Variants in PLEKHG5 observed in about 807,000 individuals in gnomAD.
PLEKHG5 encodes the protein pleckstrin homology and RhoGEF domain containing G5, also known as pleckstrin homology domain-containing family G member 5.
In PLEKHG5, 52 loss-of-function variants were observed where a neutral mutation model predicts 103.8. That is an observed-to-expected ratio of 0.50 (90% CI 0.40 to 0.63). The LOEUF (loss-of-function observed/expected upper bound fraction) is 0.63. PLEKHG5 is among the 30% of genes least tolerant of loss of function. PLEKHG5 has a pLI of 0.00. For synonymous variants in PLEKHG5, 592 were observed against 575.5 expected (o/e 1.03, Z -0.41); for missense variants, 1,205 against 1,347.6 (o/e 0.89, Z 1.66).
intron 5 of PLEKHG5, 72 bp from the exon 6 acceptor site, chr1:6,474,659 C>G (rs892181887): frequency 1.4e-6 from 2 of 1,420,228 alleles, no homozygotes; most frequent in Admixed American, 2.0e-5. Flanking sequence ...CCCGCCCCCA[C>G]GAGCCCCCGC....
chr1:6,509,904 C>T (rs763819849), intron 1 of PLEKHG5, among the ~76,000 whole-genome samples: 14 of 152,186 alleles, frequency 9.2e-5, no homozygotes, highest in Non-Finnish European at 1.6e-4. Context: ...TGGGGAGTCC[C>T]TGTACCCAAC....
intron 1 of PLEKHG5, among the ~76,000 whole-genome samples, chr1:6,513,519 G>A (rs757012777): frequency 1.3e-5 from 2 of 152,216 alleles, no homozygotes; most frequent in Non-Finnish European, 2.9e-5. Flanking sequence ...CTGTTCCTCG[G>A]GGCTGTCTGC....
chr1:6,496,934 G>A (rs1194944709), upstream of PLEKHG5: 5 of 1,497,698 alleles, frequency 3.3e-6, no homozygotes, highest in South Asian at 6.3e-5. Flanking sequence ...GGGGCTCCAA[G>A]ATCCCAGATC....
intron 1 of PLEKHG5, among the ~76,000 whole-genome samples, chr1:6,512,861 T>C (rs1638514639): frequency 6.6e-6 from 1 of 152,094 alleles, no homozygotes; most frequent in African/African-American, 2.4e-5. Context: ...TCCTCATTTA[T>C]ACAGCGTAGG....
chr1:6,515,241 G>A (rs1305172452), intron 1 of PLEKHG5, among the ~76,000 whole-genome samples: 1 of 151,396 alleles, frequency 6.6e-6, no homozygotes, highest in Non-Finnish European at 1.5e-5. Flanking sequence ...AAAAAAGCTG[G>A]ATGAGGCCGG....
At chr1:6,474,403 A>G in intron 6 of PLEKHG5, 48 bp downstream of exon 6, 1 of 1,609,202 alleles carries the variant, frequency 6.2e-7, no homozygotes, top group East Asian at 2.2e-5. Context: ...CATCTCCAGG[A>G]GGCTCCGCCA....
At chr1:6,492,159 T>C (rs1267051980), upstream of PLEKHG5, among the ~76,000 whole-genome samples, 1 of 152,176 alleles carries the variant, frequency 6.6e-6, no homozygotes, top group Non-Finnish European at 1.5e-5. Context: ...AGATGAGGTT[T>C]CTGTGCCAGG....
At chr1:6,481,931 T>C (rs1161767134) in intron 1 of PLEKHG5, among the ~76,000 whole-genome samples, 10 of 151,924 alleles carry the variant, frequency 6.6e-5, no homozygotes, top group Non-Finnish European at 1.5e-4. Context: ...ACTTTTTTTT[T>C]TTTTAGGGTT....
intron 1 of PLEKHG5, among the ~76,000 whole-genome samples, chr1:6,517,890 A>C (rs1444872234): frequency 2.0e-5 from 3 of 152,188 alleles, no homozygotes; most frequent in Admixed American, 2.0e-4. Flanking sequence ...CATGAACGCT[A>C]TTCCTGACCC....
rs1638302701 is a variant in PLEKHG5 at position 6,505,874 on chromosome 1, G to A, written c.-164-9305C>T. Among the ~76,000 whole-genome samples the A allele has an allele frequency of 6.6e-6, 1 of 152,186 alleles. No individual in the cohort carries two copies. Among genetic ancestry groups the A allele is most frequent in the Non-Finnish European group, 1.5e-5 (1 of 68,040 alleles). On this transcript the variant is annotated intron_variant, in intron 1 of 21. Transcript: ENST00000377740. The surrounding 1 kb of genome is among the most constrained non-coding windows in gnomAD (Gnocchi z 4.2). ...TTTCCGGGTCCTCTCCTGCACCAGC[G>A]GCAGCTCTCAGGAGTGGCTCTGGCC...
In PLEKHG5 at chr1:6,505,419, G is replaced by A. The variant is rs1638284836; in HGVS notation, c.-164-8850C>T. Among the ~76,000 whole-genome samples, 1 of 152,028 alleles carries A rather than the reference G, an allele frequency of 6.6e-6. No individual in the cohort carries two copies. The highest frequency in any genetic ancestry group is 3.2e-3 in the Middle Eastern group (1 of 316). On this transcript the variant is annotated intron_variant, in intron 1 of 21. Coordinates refer to the PLEKHG5 transcript ENST00000377740. This position sits in a 1 kb window ranked among gnomAD's most constrained non-coding sequence, Gnocchi z 4.2. ...CTCCCTGTGTGTCATCCCCATTAGTGCTCTCAGCCTCCCAGTGACCCCCAA... is the reference window on the plus strand; with the variant it reads ...CTCCCTGTGTGTCATCCCCATTAGTACTCTCAGCCTCCCAGTGACCCCCAA...
Position 6,468,571 on chromosome 1 carries a change from G to A in PLEKHG5, c.2265C>T (p.Ser755=). Residue 755 remains serine (S), a synonymous_variant, in exon 20 of 21, where the codon TCC becomes TCT. Transcript: ENST00000377728. ...CCACAACCATGGCCAGGGTCTCCGT[G>A]GAGCCATCTGAGGCACTGTGGGGCC... ...PDSQHCASDG[S]TETLAMVVVE... 6.2e-7 allele frequency: 1 copy of A among 1,612,996 alleles called. No individual in the cohort carries two copies. The highest frequency in any genetic ancestry group is 1.1e-5 in the South Asian group (1 of 91,086).
chr1:6,508,925 TAC>T (rs2148635677), intron 1 of PLEKHG5, among the ~76,000 whole-genome samples: 1 of 152,284 alleles, frequency 6.6e-6, no homozygotes, highest in African/African-American at 2.4e-5. Context: ...CCCAGAGCGG[TAC>T]ACACACTGCT....
chr1:6,484,159 C>T (rs956748857), intron 1 of PLEKHG5, among the ~76,000 whole-genome samples: 2 of 152,232 alleles, frequency 1.3e-5, no homozygotes, highest in Non-Finnish European at 2.9e-5. Context: ...AGATTTGATA[C>T]CCTGATTCGC....
At chr1:6,471,957 G>C (rs1234112455) in intron 10 of PLEKHG5, 149 bp from the exon 11 acceptor site, 12 of 804,266 alleles carry the variant, frequency 1.5e-5, no homozygotes, top group Non-Finnish European at 2.5e-5. Flanking sequence ...GTACCCTTTG[G>C]CCTTCGCACC....
intron 2 of PLEKHG5, 148 bp from the exon 3 acceptor site, chr1:6,476,184 A>G (rs1475334600): frequency 2.8e-6 from 2 of 722,038 alleles, no homozygotes; most frequent in South Asian, 1.5e-5. Flanking sequence ...AGAGGGGCTC[A>G]GTCATTGTTT....
At position 6,487,488 on chromosome 1, in the gene PLEKHG5, G is replaced by A. The variant is rs570581398; in HGVS notation, c.-88+4149C>T. Among the ~76,000 whole-genome samples, 13 of 152,170 alleles carry A rather than the reference G, an allele frequency of 8.5e-5. No homozygotes were observed. The highest frequency in any genetic ancestry group is 2.4e-4 in the African/African-American group (10 of 41,510). Reference sequence around the variant, plus strand: ...GAAATCCCACCATGGCCGGGCTCCCGCCTCCCTCCCAGCTGGTCCGCACAG... The same window carrying A: ...GAAATCCCACCATGGCCGGGCTCCCACCTCCCTCCCAGCTGGTCCGCACAG... On this transcript the variant is annotated intron_variant, in intron 1 of 20. Transcript: ENST00000377728. This position sits in a 1 kb window ranked among gnomAD's most constrained non-coding sequence, Gnocchi z 4.1.
At chr1:6,500,384 G>A (rs1274524071), upstream of PLEKHG5, among the ~76,000 whole-genome samples, 2 of 152,108 alleles carry the variant, frequency 1.3e-5, no homozygotes, top group African/African-American at 4.8e-5. Context: ...GTGGCAGGGG[G>A]GCGGCCTCCT....
chr1:6,467,741 C>T, intron 20 of PLEKHG5, 84 bp downstream of exon 20: 2 of 1,552,486 alleles, frequency 1.3e-6, no homozygotes, highest in Non-Finnish European at 1.8e-6. Flanking sequence ...CATGACCCTC[C>T]CCAAATGCGA....
Sources: allele counts gnomAD v4.1 joint callset (sites outside exome capture counted in the v4.1 genomes callset), GRCh38; gene constraint gnomAD v4.1.1; non-coding constraint Gnocchi (gnomAD v3.1); transcripts MANE v1.5; gene names NCBI Gene and HGNC (gene_info 2026-07-23, HGNC 2026-07-21).